Variants in KCNAB2 observed in about 807,000 individuals in gnomAD.
The protein encoded by KCNAB2 is potassium voltage-gated channel subfamily A regulatory beta subunit 2.
In KCNAB2, 29 loss-of-function variants were observed where a neutral mutation model predicts 63.6. The ratio of observed to expected loss-of-function variants is 0.46; its 90% CI spans 0.34 to 0.62. The LOEUF is 0.62. KCNAB2 is among the 20% of genes least tolerant of loss of function. The pLI is 0.01. For missense variants in KCNAB2, 359 were observed against 563.9 expected, an observed-to-expected ratio of 0.64 and a Z score of 3.68; for synonymous variants, 222 against 224.2, an observed-to-expected ratio of 0.99 and a Z score of 0.09.
At chr1:6,015,175 G>A (rs1658422645) in intron 1 of KCNAB2, among the ~76,000 whole-genome samples, 1 of 151,962 alleles carries the variant, frequency 6.6e-6, no homozygotes, top group Non-Finnish European at 1.5e-5. Flanking sequence ...AGGACTACAG[G>A]TGCCCGCCAC....
At chr1:6,010,826 A>G (rs1288859432) in intron 1 of KCNAB2, among the ~76,000 whole-genome samples, 1 of 152,188 alleles carries the variant, frequency 6.6e-6, no homozygotes, top group Non-Finnish European at 1.5e-5. Context: ...TTGAAGATTT[A>G]ACTTGAAAGC....
intron 1 of KCNAB2, among the ~76,000 whole-genome samples, chr1:6,036,644 G>A (rs1660060873): frequency 6.6e-6 from 1 of 152,246 alleles, no homozygotes; most frequent in Non-Finnish European, 1.5e-5. Flanking sequence ...GCTGGGGACA[G>A]CCATGTGACC....
chr1:6,097,784 A>G (rs1217512817), intron 15 of KCNAB2: 2 of 392,678 alleles, frequency 5.1e-6, no homozygotes, highest in Non-Finnish European at 9.1e-6. Flanking sequence ...CAAAGGCCCA[A>G]AAAGGCCTGG....
In KCNAB2 at chr1:6,078,851, G is replaced by C. The variant is rs1663937496; in HGVS notation, c.301-3344G>C. On this transcript the variant is annotated intron_variant, in intron 4 of 15. Transcript: ENST00000378083. This position sits in a 1 kb window ranked among gnomAD's most constrained non-coding sequence, Gnocchi z 4.2. ...GTGGAGCCTGGGAGGCCGCATTTCT[G>C]ATCTCATGCTGATGCTGGCCCATGG... 6.6e-6 allele frequency among the ~76,000 whole-genome samples: 1 copy of C among 152,206 alleles called. No homozygotes were observed. Among genetic ancestry groups the C allele is most frequent in the African/African-American group, 2.4e-5 (1 of 41,454 alleles).
rs1663359342 is a variant in KCNAB2, at chr1:6,073,126, T to C, written c.262+328T>C. The stretch of plus-strand genomic sequence containing the variant: ...CCCCGGGAGTGCAACGAAGACACCT[T>C]ACCTTCCAAGGCAGGCTCAGCTCGT... On this transcript the variant is annotated intron_variant, in intron 3 of 15. Transcript: ENST00000378083. The surrounding 1 kb of genome is among the most constrained non-coding windows in gnomAD (Gnocchi z 5.7). Among the ~76,000 whole-genome samples, 1 of 152,066 alleles carries C rather than the reference T, an allele frequency of 6.6e-6. No individual in the cohort carries two copies. The highest frequency in any genetic ancestry group is 1.5e-5 in the Non-Finnish European group (1 of 67,998).
Position 6,095,398 on chromosome 1 carries a change from C to T in KCNAB2, c.808C>T (p.Arg270Cys). The change falls in exon 12 of 16, where the codon CGT (arginine) becomes TGT (cysteine). Residue 270 changes from arginine (R) to cysteine (C), a missense_variant. Coordinates refer to ENST00000378083, the MANE Select transcript of KCNAB2 (RefSeq NM_001199862.2). ...GCAGGCTGAGTACCACATGTTCCAG[C>T]GTGAGAAAGTGGAGGTGCAGCTGCC... The part of the protein sequence containing the change: ...CEQAEYHMFQ[R>C]EKVEVQLPEL... 12 of 1,613,060 alleles carry T rather than the reference C, an allele frequency of 7.4e-6. No individual in the cohort carries two copies. Among genetic ancestry groups the T allele is most frequent in the Non-Finnish European group, 7.6e-6 (9 of 1,180,036 alleles).
chr1:6,072,666 T>G, intron 2 of KCNAB2, 89 bp from the exon 3 acceptor site: 3 of 1,366,686 alleles, frequency 2.2e-6, no homozygotes, highest in Non-Finnish European at 3.1e-6. Context: ...GTTGGGGGAG[T>G]GGGTGGGGGG....
intron 1 of KCNAB2, among the ~76,000 whole-genome samples, chr1:6,015,324 C>T (rs1200291858): frequency 1.3e-5 from 2 of 152,196 alleles, no homozygotes; most frequent in Non-Finnish European, 2.9e-5. Context: ...GCCCCTGTGC[C>T]TGGCCTCACC....
chr1:6,017,025 C>T (rs953977312), intron 1 of KCNAB2, among the ~76,000 whole-genome samples: 3 of 152,138 alleles, frequency 2.0e-5, no homozygotes, highest in Non-Finnish European at 4.4e-5. Context: ...CACAAAATAC[C>T]GTGACCAGGA....
chr1:6,044,143 C>G (rs1467785440), upstream of KCNAB2, among the ~76,000 whole-genome samples: 1 of 152,184 alleles, frequency 6.6e-6, no homozygotes, highest in Non-Finnish European at 1.5e-5. Context: ...CAGGAACCAG[C>G]CCACAGTCAA....
intron 15 of KCNAB2, 133 bp downstream of exon 15, chr1:6,097,490 T>C: frequency 6.7e-7 from 1 of 1,485,830 alleles, no homozygotes; most frequent in Non-Finnish European, 9.1e-7. Flanking sequence ...CCATCAGAGT[T>C]GTGCTCCTGG....
intron 2 of KCNAB2, among the ~76,000 whole-genome samples, chr1:6,064,676 G>C (rs943699714): frequency 2.6e-5 from 4 of 152,170 alleles, no homozygotes; most frequent in African/African-American, 9.7e-5. Context: ...TTGAATCCTG[G>C]GGTCCAGCCT....
chr1:6,041,895 A>G (rs1215275339), upstream of KCNAB2: 4 of 1,612,336 alleles, frequency 2.5e-6, no homozygotes, highest in South Asian at 3.3e-5. Context: ...CATTCTCCCT[A>G]AAACCCAGCG....
At chr1:6,042,761 C>T (rs889992216), upstream of KCNAB2, among the ~76,000 whole-genome samples, 7 of 151,752 alleles carry the variant, frequency 4.6e-5, no homozygotes, top group Non-Finnish European at 1.0e-4. Flanking sequence ...CTTTGGGGAT[C>T]GTTGCCAATG....
upstream of KCNAB2, chr1:6,045,799 C>T (rs547885371): frequency 8.0e-6 from 5 of 623,224 alleles, no homozygotes; most frequent in African/African-American, 4.0e-5. The surrounding 1 kb of genome is among the most constrained non-coding windows in gnomAD (Gnocchi z 4.8). Context: ...TTCTGGCACG[C>T]GGGGATGGTG....
upstream of KCNAB2, among the ~76,000 whole-genome samples, chr1:6,043,493 C>G (rs1446440543): frequency 2.0e-5 from 3 of 152,208 alleles, no homozygotes; most frequent in African/African-American, 7.2e-5. Context: ...TGAAGCTTAC[C>G]CTCTAGGCTC....
chr1:6,019,546 T>G (rs1175309538), intron 1 of KCNAB2, among the ~76,000 whole-genome samples: 1 of 152,178 alleles, frequency 6.6e-6, no homozygotes. Context: ...AGAGAGAAAC[T>G]GTGCCGAATG....
At chr1:6,098,431 G>A (rs1665824051) in intron 15 of KCNAB2, 54 bp from the exon 16 acceptor site, 3 of 1,606,688 alleles carry the variant, frequency 1.9e-6, no homozygotes. Flanking sequence ...CTCCTCCCCA[G>A]GCCAGGCCCG....
intron 1 of KCNAB2, among the ~76,000 whole-genome samples, chr1:6,022,075 G>T (rs190857353): frequency 6.6e-6 from 1 of 152,168 alleles, no homozygotes; most frequent in African/African-American, 2.4e-5. Context: ...TCATTCAGTG[G>T]CATTGAGTGT....
Sources: allele counts gnomAD v4.1 joint callset (sites outside exome capture counted in the v4.1 genomes callset), GRCh38; gene constraint gnomAD v4.1.1; non-coding constraint Gnocchi (gnomAD v3.1); transcripts MANE v1.5; gene names NCBI Gene and HGNC (gene_info 2026-07-23, HGNC 2026-07-21).